The following GSG1L variants were observed in gnomAD, a reference collection of about 807,000 sequenced individuals.
The protein encoded by GSG1L is GSG1 like.
A neutral mutation model predicts 42.1 loss-of-function variants in GSG1L; 24 were observed. The observed-to-expected ratio is 0.57, with a 90% CI of 0.41 to 0.80. The LOEUF (loss-of-function observed/expected upper bound fraction) is 0.80, where lower values mean the gene tolerates loss of function less well. Among genes scored for constraint, GSG1L ranks in the 30% least tolerant of loss-of-function variants. The pLI, the probability that GSG1L is intolerant of heterozygous loss-of-function variation, is 0.00. For missense variants in GSG1L, 445 were observed against 472.2 expected (o/e 0.94, Z 0.53); for synonymous variants, 215 against 203.5 (o/e 1.06, Z -0.48).
intron 1 of GSG1L, among the ~76,000 whole-genome samples, chr16:28,014,097 G>A (rs1390797396): frequency 2.0e-5 from 3 of 152,226 alleles, no homozygotes; most frequent in Non-Finnish European, 4.4e-5. Context: ...TGTTACAGCA[G>A]CATAGCCTTA....
intron 3 of GSG1L, chr16:27,863,287 T>C (rs2083676762): frequency 6.6e-6 from 1 of 152,212 alleles, no homozygotes; most frequent in Non-Finnish European, 1.5e-5. Flanking sequence ...AAAATTGGGA[T>C]GATAAGGGAA....
chr16:27,832,628 G>A (rs1567476056), intron 4 of GSG1L, among the ~76,000 whole-genome samples: 1 of 152,162 alleles, frequency 6.6e-6, no homozygotes, highest in Non-Finnish European at 1.5e-5. Context: ...GAATTTGGTG[G>A]TGTCACTATT....
chr16:27,789,960 T>C lies in GSG1L; in HGVS notation c.*1410A>G, dbSNP rs930490456. Reference sequence around the variant, plus strand: ...GAGGGATGAATGAAAAATGGATGAATGGACAATGGACAATAGCTGGATGAG... The same window carrying C: ...GAGGGATGAATGAAAAATGGATGAACGGACAATGGACAATAGCTGGATGAG... On this transcript the variant is annotated 3_prime_UTR_variant, in exon 7 of 7. Transcript: ENST00000447459. 5.5e-5 allele frequency: 8 copies of C among 146,090 alleles called. No individual in the cohort carries two copies. Among genetic ancestry groups the C allele is most frequent in the Admixed American group, 2.7e-4 (4 of 14,600 alleles). 9.0% of individuals were successfully genotyped at this position (146,090 alleles called of 1,614,324 possible).
intron 2 of GSG1L, among the ~76,000 whole-genome samples, chr16:27,945,137 T>G (rs1241657292): frequency 1.3e-5 from 2 of 151,136 alleles, no homozygotes; most frequent in Admixed American, 1.3e-4. Flanking sequence ...GTGGGAGGAT[T>G]GAGGGGTAAG....
chr16:27,982,462 G>C (rs768986643), intron 1 of GSG1L, among the ~76,000 whole-genome samples: 3 of 152,148 alleles, frequency 2.0e-5, no homozygotes, highest in Non-Finnish European at 4.4e-5. Flanking sequence ...TTCCTGGGGA[G>C]GGCTTTTATG....
intron 2 of GSG1L, chr16:27,888,027 A>C: frequency 1.1e-6 from 1 of 878,694 alleles, no homozygotes; most frequent in Non-Finnish European, 1.4e-6. Context: ...GGCCGCCCCC[A>C]GGAGGTTTCA....
rs2086362229 is a variant in GSG1L, at chr16:28,063,101, C to T, written c.324G>A (p.Ser108=). 2.1e-6 allele frequency: 3 copies of T among 1,440,520 alleles called. No homozygotes were observed. Among genetic ancestry groups the T allele is most frequent in the African/African-American group, 1.5e-5 (1 of 67,156 alleles). 89.2% of individuals were successfully genotyped at this position (1,440,520 alleles called of 1,614,324 possible). ...FRNFHTGIWY[S]CEEELSGLGE... is the part of the protein sequence containing the mutation. Reference sequence around the variant, plus strand: ...CAAGCCCGCTGAGCTCCTCCTCGCACGAGTACCAGATGCCGGTGTGGAAAT... The same window carrying T: ...CAAGCCCGCTGAGCTCCTCCTCGCATGAGTACCAGATGCCGGTGTGGAAAT... Residue 108 remains serine, a synonymous_variant, in exon 1 of 7, where the codon TCG becomes TCA. Transcript: ENST00000447459. This position sits in a 1 kb window ranked among gnomAD's most constrained non-coding sequence, Gnocchi z 5.8.
intron 3 of GSG1L, among the ~76,000 whole-genome samples, chr16:27,852,806 G>C (rs60232175): frequency 6.6e-6 from 1 of 152,178 alleles, no homozygotes; most frequent in African/African-American, 2.4e-5. Flanking sequence ...GAGAACAGGC[G>C]AGAGGAGCAG....
intron 2 of GSG1L, among the ~76,000 whole-genome samples, chr16:27,892,599 A>G (rs1363103500): frequency 1.3e-5 from 2 of 152,040 alleles, no homozygotes; most frequent in African/African-American, 4.8e-5. Flanking sequence ...CCCCGTCTCT[A>G]CTAAAAATAC....
rs148351780 is a variant in GSG1L at position 27,790,564 on chromosome 16, G to A, written c.*806C>T. Reference sequence around the variant, plus strand: ...ACAGGGTAAAGCCTCCTCAGGGTCAGGGTGGTGTGATGTTGCTGAGCTCTG... The same window carrying A: ...ACAGGGTAAAGCCTCCTCAGGGTCAAGGTGGTGTGATGTTGCTGAGCTCTG... On this transcript the variant is annotated 3_prime_UTR_variant, in exon 7 of 7. Transcript: ENST00000447459. 3.0e-4 allele frequency: 45 copies of A among 152,418 alleles called. No homozygotes were observed. Among genetic ancestry groups the A allele is most frequent in the African/African-American group, 1.1e-3 (44 of 41,582 alleles). The allele number at this position is 152,418 out of a possible 1,614,324, so 9.4% of individuals were successfully genotyped here.
intron 2 of GSG1L, among the ~76,000 whole-genome samples, chr16:27,938,283 C>T (rs963999188): frequency 4.0e-5 from 6 of 151,210 alleles, no homozygotes; most frequent in African/African-American, 1.2e-4. Context: ...ACTTGGGAGG[C>T]AGAGGCGGGA....
intron 3 of GSG1L, among the ~76,000 whole-genome samples, chr16:27,856,581 G>A (rs2083580351): frequency 6.6e-6 from 1 of 152,156 alleles, no homozygotes; most frequent in African/African-American, 2.4e-5. Context: ...CAAAGTGCTG[G>A]GATTACAGGC....
chr16:27,888,515 CTTTCTTTCTTT>C (rs2084077156), intron 2 of GSG1L, among the ~76,000 whole-genome samples: 1 of 15,938 alleles, frequency 6.3e-5, no homozygotes, highest in Non-Finnish European at 1.4e-4. Context: ...TTCTTTCTTT[CTTTCTTTCTTT>C]CTTTCTTTCT....
chr16:28,019,369 T>C (rs184085298), intron 1 of GSG1L, among the ~76,000 whole-genome samples: 34 of 152,298 alleles, frequency 2.2e-4, no homozygotes, highest in African/African-American at 7.9e-4. Flanking sequence ...ACCAGCGCCA[T>C]GACGGTTCAA....
intron 1 of GSG1L, among the ~76,000 whole-genome samples, chr16:27,979,689 AGG>A (rs2085297360): frequency 2.0e-4 from 5 of 25,040 alleles, no homozygotes; most frequent in Middle Eastern, 0.021. Context: ...GAAAGAAAGA[AGG>A]AAGGAAGGAA....
chr16:27,810,112 G>A (rs1157081662), intron 5 of GSG1L, among the ~76,000 whole-genome samples: 3 of 152,238 alleles, frequency 2.0e-5, no homozygotes, highest in Non-Finnish European at 4.4e-5. Context: ...GGACAGAAAT[G>A]TCTCTTTCGT....
At chr16:27,881,302 T>C (rs1205231295) in intron 3 of GSG1L, among the ~76,000 whole-genome samples, 3 of 148,912 alleles carry the variant, frequency 2.0e-5, no homozygotes, top group Non-Finnish European at 3.0e-5. Flanking sequence ...AGTGCAGCTG[T>C]GCGATCTCGG....
rs2082745143 is a variant in GSG1L, at chr16:27,791,029, A to T, written c.*341T>A. On this transcript the variant is annotated 3_prime_UTR_variant, in exon 7 of 7. Transcript: ENST00000447459. ...AGGGCTCTGCCCCTCTGGGCACCTG[A>T]CTGGCTTGTGGGTGCCAGCCATTCA... 1 of 219,610 alleles carries T rather than the reference A, an allele frequency of 4.6e-6. No homozygotes were observed. The highest frequency in any genetic ancestry group is 5.9e-5 in the Admixed American group (1 of 17,092). The allele number at this position is 219,610 out of a possible 1,614,324, so 13.6% of individuals were successfully genotyped here. A position where few individuals can be genotyped will look rare whatever the true frequency, so the allele number is the denominator to read the frequency against.
chr16:27,830,034 A>C (rs2083258510), intron 4 of GSG1L, among the ~76,000 whole-genome samples: 1 of 152,106 alleles, frequency 6.6e-6, no homozygotes, highest in Non-Finnish European at 1.5e-5. Flanking sequence ...AACCTGGAGA[A>C]TTTGTCCTAT....
Sources: gnomAD v4.1 joint callset for allele counts (sites outside exome capture counted in the v4.1 genomes callset) on GRCh38, gnomAD v4.1.1 for gene constraint, Gnocchi (gnomAD v3.1) non-coding constraint, MANE v1.5 for transcripts, NCBI Gene and HGNC (gene_info 2026-07-23, HGNC 2026-07-21) for gene names.